TENM2: variants seen among roughly 807,000 people sequenced by gnomAD.
TENM2 encodes the protein teneurin-2.
In TENM2, 52 loss-of-function variants were observed where a neutral mutation model predicts 245.2. That is an observed-to-expected ratio of 0.21 (90% CI 0.17 to 0.27). The LOEUF (loss-of-function observed/expected upper bound fraction) is 0.27. Among genes scored for constraint, TENM2 ranks in the 10% least tolerant of loss-of-function variants. TENM2 has a pLI of 1.00. For synonymous variants in TENM2, 1,363 were observed against 1,438.9 expected, an observed-to-expected ratio of 0.95 and a Z score of 1.19; for missense variants, 3,046 against 3,666.8, an observed-to-expected ratio of 0.83 and a Z score of 4.37.
intron 2 of TENM2, among the ~76,000 whole-genome samples, chr5:167,844,477 G>C (rs540984635): frequency 1.3e-5 from 2 of 152,306 alleles, no homozygotes; most frequent in South Asian, 4.1e-4. Context: ...GAATGTGCAC[G>C]TGAGTGTCTC....
At chr5:167,169,039 G>A in the TENM2 span, among the ~76,000 whole-genome samples, 4 of 152,188 alleles carry the variant, frequency 2.6e-5, no homozygotes, top group Admixed American at 2.0e-4. Context: ...GATTATAGGC[G>A]TGAGCCACGT....
intron 12 of TENM2, among the ~76,000 whole-genome samples, chr5:168,156,252 A>AAAAAAC (rs1322063360): frequency 1.3e-5 from 2 of 149,498 alleles, no homozygotes; most frequent in Non-Finnish European, 3.0e-5. Flanking sequence ...ATAGTTAAAA[A>AAAAAAC]AAAAAAAAAA....
chr5:167,743,727 G>A (rs570233333), intron 2 of TENM2, among the ~76,000 whole-genome samples: 1 of 152,080 alleles, frequency 6.6e-6, no homozygotes, highest in Non-Finnish European at 1.5e-5. Flanking sequence ...TTAAATTATA[G>A]CAACTATAAG....
chr5:167,698,458 C>T (rs1757914715), intron 2 of TENM2, among the ~76,000 whole-genome samples: 1 of 152,120 alleles, frequency 6.6e-6, no homozygotes, highest in Non-Finnish European at 1.5e-5. Flanking sequence ...ATAATGGTCT[C>T]CTAAAAACAG....
chr5:167,851,321 T>A (rs559724954), intron 2 of TENM2, among the ~76,000 whole-genome samples: 11 of 152,296 alleles, frequency 7.2e-5, no homozygotes, highest in Admixed American at 2.0e-4. Flanking sequence ...AATGCTTGTG[T>A]GCATAGTCAT....
At chr5:167,153,765 T>G in the TENM2 span, among the ~76,000 whole-genome samples, 1 of 151,882 alleles carries the variant, frequency 6.6e-6, no homozygotes, top group Non-Finnish European at 1.5e-5. Flanking sequence ...AATAATTACA[T>G]AAATATTTAA....
rs540804090 is a variant in TENM2 at position 167,490,452 on chromosome 5, T to C, written c.502+114979T>C. 1.1e-4 allele frequency among the ~76,000 whole-genome samples: 17 copies of C among 152,276 alleles called. No individual in the cohort carries two copies. The South Asian group carries it at 3.5e-3, about 32-fold the overall frequency. On this transcript the variant is annotated intron_variant, in intron 2 of 28. Coordinates refer to ENST00000518659, the Ensembl canonical transcript of TENM2. ...CGTTTTTCTTAGTTGAATATCTCTC[T>C]CCTCATTTGTCATTTGCATGTCTTC...
At chr5:167,396,205 A>G (rs1342645646) in intron 2 of TENM2, among the ~76,000 whole-genome samples, 1 of 152,186 alleles carries the variant, frequency 6.6e-6, no homozygotes, top group East Asian at 1.9e-4. Flanking sequence ...TGTGGGGAGA[A>G]CTTAAATGTC....
chr5:167,076,033 C>T, the TENM2 span, among the ~76,000 whole-genome samples: 8 of 152,084 alleles, frequency 5.3e-5, no homozygotes, highest in Non-Finnish European at 1.0e-4. Flanking sequence ...AGCTTATGCC[C>T]GAAGTTTTAA....
chr5:167,339,837 A>G (rs1195689369), intron 1 of TENM2, among the ~76,000 whole-genome samples: 2 of 152,184 alleles, frequency 1.3e-5, no homozygotes, highest in African/African-American at 4.8e-5. Flanking sequence ...ATGTGAGGGC[A>G]CAAGCAACAC....
chr5:167,092,855 A>G, the TENM2 span, among the ~76,000 whole-genome samples: 1 of 152,204 alleles, frequency 6.6e-6, no homozygotes, highest in African/African-American at 2.4e-5. Flanking sequence ...CCCCAGTAAG[A>G]GATACAAATA....
chr5:168,109,163 C>T (rs964922131), intron 9 of TENM2, among the ~76,000 whole-genome samples: 10 of 152,220 alleles, frequency 6.6e-5, no homozygotes, highest in Non-Finnish European at 1.5e-4. Flanking sequence ...TCCCACCTCT[C>T]TTTCCTCCCA....
intron 2 of TENM2, among the ~76,000 whole-genome samples, chr5:167,380,037 C>A (rs987257891): frequency 6.6e-6 from 1 of 150,470 alleles, no homozygotes; most frequent in Non-Finnish European, 1.5e-5. Flanking sequence ...TAAAAGAATA[C>A]CATTATAAAG....
At chr5:167,903,068 C>A (rs914844514) in intron 3 of TENM2, among the ~76,000 whole-genome samples, 1 of 152,192 alleles carries the variant, frequency 6.6e-6, no homozygotes. Flanking sequence ...ATCATAGCAT[C>A]ACTTTGTACC....
chr5:168,112,486 C>T (rs1395798800), intron 9 of TENM2, among the ~76,000 whole-genome samples: 2 of 151,494 alleles, frequency 1.3e-5, no homozygotes, highest in East Asian at 1.9e-4. Context: ...GTTTTCTGTT[C>T]GTTAGTTTGC....
chr5:167,608,954 T>C (rs965084439), intron 2 of TENM2, among the ~76,000 whole-genome samples: 1 of 151,526 alleles, frequency 6.6e-6, no homozygotes, highest in Admixed American at 6.6e-5. Flanking sequence ...GTTTTTCAGT[T>C]GAGGAAATCC....
At chr5:167,066,427 A>G in the TENM2 span, among the ~76,000 whole-genome samples, 2 of 152,030 alleles carry the variant, frequency 1.3e-5, no homozygotes, top group African/African-American at 2.4e-5. Flanking sequence ...CATGTGCACA[A>G]TGTGCAGGTT....
At chr5:167,504,105 T>C (rs1273817268) in intron 2 of TENM2, among the ~76,000 whole-genome samples, 1 of 152,160 alleles carries the variant, frequency 6.6e-6, no homozygotes, top group Admixed American at 6.5e-5. Flanking sequence ...GCGTGCCTAA[T>C]ATGGAACAGA....
At chr5:167,309,145 G>A (rs1755864538) in intron 1 of TENM2, among the ~76,000 whole-genome samples, 1 of 152,034 alleles carries the variant, frequency 6.6e-6, no homozygotes, top group South Asian at 2.1e-4. Context: ...GTCTTCTCTA[G>A]GAAGTCTCCT....
Sources: gnomAD v4.1 joint callset for allele counts (sites outside exome capture counted in the v4.1 genomes callset) on GRCh38, gnomAD v4.1.1 for gene constraint, MANE v1.5 for transcripts, NCBI Gene and HGNC (gene_info 2026-07-23, HGNC 2026-07-21) for gene names.